The following CCND3 variants were observed in gnomAD, a reference collection of about 807,000 sequenced individuals.
The protein encoded by CCND3 is G1/S-specific cyclin-D3.
Under a neutral mutation model 28.7 loss-of-function variants are expected in CCND3, and 9 were observed. The observed-to-expected ratio is 0.31, with a 90% CI of 0.19 to 0.55. The LOEUF (loss-of-function observed/expected upper bound fraction) is 0.55, where lower values mean the gene tolerates loss of function less well. Among genes scored for constraint, CCND3 ranks in the 20% least tolerant of loss-of-function variants. The pLI, the probability that CCND3 is intolerant of heterozygous loss-of-function variation, is 0.93. For synonymous variants in CCND3, 164 were observed against 163.9 expected (o/e 1.00, Z 0.00); for missense variants, 315 against 385.8 (o/e 0.82, Z 1.54).
intron 1 of CCND3, among the ~76,000 whole-genome samples, chr6:41,963,955 A>G (rs1582112286): frequency 6.6e-6 from 1 of 151,926 alleles, no homozygotes; most frequent in Non-Finnish European, 1.5e-5. Flanking sequence ...TCTTCCCCCC[A>G]CCTCTAGCAC....
chr6:41,976,823 C>T (rs1048068598), intron 1 of CCND3, among the ~76,000 whole-genome samples: 2 of 152,146 alleles, frequency 1.3e-5, no homozygotes, highest in African/African-American at 2.4e-5. Context: ...CTCAATGACG[C>T]CTCCTGGCCC....
At chr6:42,006,922 A>G (rs1014122095) in intron 1 of CCND3, among the ~76,000 whole-genome samples, 2 of 150,736 alleles carry the variant, frequency 1.3e-5, no homozygotes, top group African/African-American at 4.9e-5. Flanking sequence ...AAAAAAAAAG[A>G]AAAATTAAGT....
chr6:41,936,754 T>C lies in CCND3; in HGVS notation c.575-59A>G. On this transcript the variant is annotated intron_variant, in intron 3 of 4. Coordinates refer to ENST00000372991, the MANE Select transcript of CCND3 (RefSeq NM_001760.5). This position sits in a 1 kb window ranked among gnomAD's most constrained non-coding sequence, Gnocchi z 4.4. The stretch of plus-strand genomic sequence containing the variant: ...GAAACCTGAAGGATAACGGCCAGCA[T>C]GGACTTCCGACTCCTTGGAAAGTGC... 6.4e-7 allele frequency: 1 copy of C among 1,571,074 alleles called. No homozygotes were observed. The highest frequency in any genetic ancestry group is 1.2e-5 in the South Asian group (1 of 85,802).
chr6:41,966,287 T>C (rs972405099), intron 1 of CCND3, among the ~76,000 whole-genome samples: 1 of 152,096 alleles, frequency 6.6e-6, no homozygotes, highest in African/African-American at 2.4e-5. Flanking sequence ...CAGCCAGATA[T>C]GGTGGTGCAT....
rs976611876 is a variant in CCND3, at chr6:41,977,862, C to G, written c.-45-37277G>C. ...TTTTCAAAAACTCTAACCTCCCAGC[C>G]TGGCCAACATTGTGAAACCACATCT... On this transcript the variant is annotated intron_variant, in intron 1 of 4. Coordinates refer to the CCND3 transcript ENST00000372988. 2.4e-4 allele frequency among the ~76,000 whole-genome samples: 36 copies of G among 152,084 alleles called. 1 individual carries two copies. The highest frequency in any genetic ancestry group is 8.3e-4 in the South Asian group (4 of 4,836).
At chr6:41,980,010 T>TCACACACACACACA (rs58375638) in intron 1 of CCND3, among the ~76,000 whole-genome samples, 2,942 of 137,156 alleles carry the variant, frequency 0.021, 46 homozygotes, top group African/African-American at 0.027. Context: ...GCTTTCAAAA[T>TCACACACACACACA]CACACACACA....
intron 1 of CCND3, among the ~76,000 whole-genome samples, chr6:42,020,155 C>T (rs148937692): frequency 0.044 from 6,618 of 151,902 alleles, 242 homozygotes; most frequent in East Asian, 0.15. Flanking sequence ...GGCCGGCGCC[C>T]GTAGTCCCAG....
intron 1 of CCND3, among the ~76,000 whole-genome samples, chr6:41,957,782 G>A (rs529969130): frequency 2.9e-4 from 44 of 152,202 alleles, no homozygotes; most frequent in Admixed American, 1.8e-3. Context: ...TTCCCAACCT[G>A]TTGTCAGCCA....
Position 41,935,830 on chromosome 6 carries a change from G to A in CCND3, c.*110C>T, listed in dbSNP as rs766938960. 4.7e-6 allele frequency: 5 copies of A among 1,070,250 alleles called. No individual in the cohort carries two copies. Among genetic ancestry groups the A allele is most frequent in the Non-Finnish European group, 6.9e-6 (5 of 720,292 alleles). 66.3% of individuals were successfully genotyped at this position (1,070,250 alleles called of 1,614,324 possible). A position where few individuals can be genotyped will look rare whatever the true frequency, so the allele number is the denominator to read the frequency against. On this transcript the variant is annotated 3_prime_UTR_variant, in exon 5 of 5. Transcript: ENST00000372991. ...CAGATCCCTTGGGCTTTGTGAAGGG[G>A]GAACAGACGCCCCTTCAGGCTTAGA...
intron 1 of CCND3, among the ~76,000 whole-genome samples, chr6:41,986,538 A>G (rs1343367976): frequency 1.3e-5 from 2 of 151,938 alleles, no homozygotes; most frequent in Non-Finnish European, 2.9e-5. Context: ...TGATGCTATT[A>G]TAAATGGGAT....
chr6:41,996,150 TG>T (rs1260400813), intron 1 of CCND3, among the ~76,000 whole-genome samples: 3,152 of 137,734 alleles, frequency 0.023, 49 homozygotes, highest in South Asian at 0.05. Context: ...TTTTTTTGTT[TG>T]TTTGTTTGTT....
At chr6:41,962,645 A>T (rs939252394) in intron 1 of CCND3, among the ~76,000 whole-genome samples, 1 of 152,196 alleles carries the variant, frequency 6.6e-6, no homozygotes, top group Non-Finnish European at 1.5e-5. Context: ...TTTACTGAGG[A>T]GGCTTAGGTG....
At chr6:42,022,508 G>A (rs1206842931) in intron 1 of CCND3, among the ~76,000 whole-genome samples, 2 of 152,210 alleles carry the variant, frequency 1.3e-5, no homozygotes, top group Non-Finnish European at 2.9e-5. Context: ...GTGTGCAGCG[G>A]GCACATCCAG....
chr6:42,035,741 G>A (rs1187899578), intron 1 of CCND3, among the ~76,000 whole-genome samples: 1 of 147,730 alleles, frequency 6.8e-6, no homozygotes, highest in African/African-American at 2.5e-5. Context: ...ACAGTAGCGC[G>A]ATCTCGGCTC....
chr6:42,007,510 AG>A (rs1677781447), intron 1 of CCND3, among the ~76,000 whole-genome samples: 1 of 152,214 alleles, frequency 6.6e-6, no homozygotes, highest in Non-Finnish European at 1.5e-5. Flanking sequence ...GCCCAAATGC[AG>A]GGGGTTAAAT....
At chr6:41,972,647 A>T (rs1467988028) in intron 1 of CCND3, among the ~76,000 whole-genome samples, 1 of 151,946 alleles carries the variant, frequency 6.6e-6, no homozygotes, top group East Asian at 1.9e-4. Flanking sequence ...TGTGCTGAGG[A>T]CTCAGCATTA....
At chr6:42,007,260 G>GT (rs1763203826) in intron 1 of CCND3, among the ~76,000 whole-genome samples, 1 of 152,184 alleles carries the variant, frequency 6.6e-6, no homozygotes, top group African/African-American at 2.4e-5. Context: ...AAAGGTCTGT[G>GT]TTTTTGAAAA....
At chr6:41,955,954 T>C (rs1167667647) in intron 1 of CCND3, among the ~76,000 whole-genome samples, 1 of 152,010 alleles carries the variant, frequency 6.6e-6, no homozygotes, top group African/African-American at 2.4e-5. Context: ...AAATAAAAAA[T>C]TCAACTTGAG....
chr6:42,043,685 G>A (rs866082744), intron 1 of CCND3, among the ~76,000 whole-genome samples: 2 of 152,186 alleles, frequency 1.3e-5, no homozygotes, highest in South Asian at 4.1e-4. Flanking sequence ...GCGACAGAGT[G>A]AGACCCTGTC....
Sources: gnomAD v4.1 joint callset for allele counts (sites outside exome capture counted in the v4.1 genomes callset) on GRCh38, gnomAD v4.1.1 for gene constraint, Gnocchi (gnomAD v3.1) non-coding constraint, MANE v1.5 for transcripts, NCBI Gene and HGNC (gene_info 2026-07-23, HGNC 2026-07-21) for gene names.